The following AGBL4 variants were observed in gnomAD, a reference collection of about 807,000 sequenced individuals.
AGBL4 encodes cytosolic carboxypeptidase 6.
Under a neutral mutation model 66.4 loss-of-function variants are expected in AGBL4, and 58 were observed. The ratio of observed to expected loss-of-function variants is 0.87; its 90% CI spans 0.71 to 1.09. The LOEUF is 1.09. Ranked by LOEUF, AGBL4 falls within the 50% of genes least tolerant of loss-of-function variation. The pLI is 0.00. For synonymous variants in AGBL4, 234 were observed against 222.9 expected (o/e 1.05, Z -0.44); for missense variants, 579 against 631.0 (o/e 0.92, Z 0.88).
At chr1:49,621,310 C>T (rs545895617) in intron 3 of AGBL4, among the ~76,000 whole-genome samples, 10 of 152,260 alleles carry the variant, frequency 6.6e-5, no homozygotes, top group Admixed American at 2.6e-4. Flanking sequence ...CTGCTGTGTC[C>T]GGTTTCCATT....
intron 6 of AGBL4, among the ~76,000 whole-genome samples, chr1:48,740,847 G>A (rs530297501): frequency 6.6e-6 from 1 of 152,296 alleles, no homozygotes; most frequent in South Asian, 2.1e-4. Flanking sequence ...ATCATTTCCA[G>A]TGCGTCCACT....
intron 4 of AGBL4, among the ~76,000 whole-genome samples, chr1:49,118,863 C>T (rs549962704): frequency 1.3e-5 from 2 of 152,194 alleles, no homozygotes; most frequent in South Asian, 4.1e-4. Context: ...TAATTATTGC[C>T]TCGATTACAG....
chr1:50,007,005 T>C lies in AGBL4; in HGVS notation c.34+16758A>G, dbSNP rs183110635. On this transcript the variant is annotated intron_variant, in intron 1 of 13. Coordinates refer to ENST00000371839, the MANE Select transcript of AGBL4 (RefSeq NM_032785.4). ...TAAATGATGAAGCAATCAGAAATAA[T>C]AACCACAACAACTTTTCAAGACAAA... is the stretch of plus-strand genomic sequence containing the variant. Among the ~76,000 whole-genome samples, 680 of 152,146 alleles carry C rather than the reference T, an allele frequency of 4.5e-3. 7 individuals are homozygous for C. The highest frequency in any genetic ancestry group is 8.3e-3 in the Non-Finnish European group (567 of 67,970).
chr1:48,765,687 T>C (rs1380095858), intron 6 of AGBL4, among the ~76,000 whole-genome samples: 2 of 152,328 alleles, frequency 1.3e-5, no homozygotes, highest in Non-Finnish European at 2.9e-5. Context: ...AACTTATGAA[T>C]GGATAACAAA....
chr1:49,182,022 A>G (rs1286987349), intron 4 of AGBL4, among the ~76,000 whole-genome samples: 13 of 152,198 alleles, frequency 8.5e-5, no homozygotes, highest in Admixed American at 8.5e-4. Flanking sequence ...TTAGCCGCTG[A>G]GGCATACGAC....
At chr1:49,123,894 T>A (rs1645712946) in intron 4 of AGBL4, among the ~76,000 whole-genome samples, 1 of 152,230 alleles carries the variant, frequency 6.6e-6, no homozygotes, top group Non-Finnish European at 1.5e-5. Context: ...CCTGGCTTCT[T>A]CTTTTTCCTA....
chr1:49,627,493 C>G (rs1369784341), intron 3 of AGBL4, among the ~76,000 whole-genome samples: 2 of 152,084 alleles, frequency 1.3e-5, no homozygotes, highest in Non-Finnish European at 2.9e-5. Context: ...CTTTCAGGCT[C>G]CTGATGAATT....
At chr1:48,639,193 G>C (rs1645716333) in intron 8 of AGBL4, among the ~76,000 whole-genome samples, 1 of 152,226 alleles carries the variant, frequency 6.6e-6, no homozygotes, top group South Asian at 2.1e-4. Context: ...AGAGAGTCTA[G>C]AGCTTTTTAG....
intron 1 of AGBL4, among the ~76,000 whole-genome samples, chr1:49,897,108 T>C (rs1037198293): frequency 5.3e-5 from 8 of 151,958 alleles, no homozygotes; most frequent in African/African-American, 1.9e-4. Flanking sequence ...AAGTCCTAAC[T>C]AGAGAAATCA....
At chr1:49,516,584 G>A (rs79991991) in intron 3 of AGBL4, among the ~76,000 whole-genome samples, 1,871 of 152,148 alleles carry the variant, frequency 0.012, 35 homozygotes, top group Non-Finnish European at 0.016. Flanking sequence ...TGAAGGCTTT[G>A]CCAAACTAAG....
intron 1 of AGBL4, among the ~76,000 whole-genome samples, chr1:49,932,568 C>T (rs1369526793): frequency 6.6e-6 from 1 of 152,046 alleles, no homozygotes. Flanking sequence ...AGTCAAGACA[C>T]TAACCGGATG....
At chr1:49,837,644 G>T (rs1198405711) in intron 2 of AGBL4, among the ~76,000 whole-genome samples, 1 of 152,010 alleles carries the variant, frequency 6.6e-6, no homozygotes, top group Non-Finnish European at 1.5e-5. Context: ...CAGGAGATCG[G>T]ACCATCCTGG....
chr1:49,010,225 T>C (rs942704507), intron 5 of AGBL4, among the ~76,000 whole-genome samples: 4 of 147,752 alleles, frequency 2.7e-5, no homozygotes, highest in African/African-American at 5.0e-5. Flanking sequence ...AGCATTCTTA[T>C]ACACCAACAA....
At chr1:49,759,763 C>T (rs749635436) in intron 2 of AGBL4, among the ~76,000 whole-genome samples, 4 of 152,034 alleles carry the variant, frequency 2.6e-5, no homozygotes, top group Admixed American at 6.6e-5. Context: ...AAACAATGGA[C>T]GATGATTCAG....
intron 3 of AGBL4, among the ~76,000 whole-genome samples, chr1:49,393,459 G>A (rs1414105681): frequency 1.3e-5 from 2 of 152,094 alleles, no homozygotes; most frequent in Non-Finnish European, 2.9e-5. Flanking sequence ...TTTTGATTTT[G>A]TTCAGTTGAT....
chr1:49,509,416 A>G (rs1364404901), intron 3 of AGBL4, among the ~76,000 whole-genome samples: 1 of 151,868 alleles, frequency 6.6e-6, no homozygotes, highest in Non-Finnish European at 1.5e-5. Context: ...AGATACTTGG[A>G]AAGGTAAATA....
intron 6 of AGBL4, among the ~76,000 whole-genome samples, chr1:48,675,169 G>A (rs886453227): frequency 1.3e-5 from 2 of 152,126 alleles, no homozygotes; most frequent in Non-Finnish European, 2.9e-5. Context: ...CCCATCGCAT[G>A]TTGGATCTTC....
intron 6 of AGBL4, among the ~76,000 whole-genome samples, chr1:48,744,799 A>G (rs1426516826): frequency 6.6e-6 from 1 of 151,956 alleles, no homozygotes; most frequent in East Asian, 1.9e-4. Context: ...CCTCCTCTCT[A>G]CCGCTAGGGT....
intron 5 of AGBL4, among the ~76,000 whole-genome samples, chr1:48,983,745 G>T (rs1659955345): frequency 6.6e-6 from 1 of 152,086 alleles, no homozygotes. Context: ...TAATCTCTGT[G>T]CCCCAGTTTT....
Sources: gnomAD v4.1 joint callset for allele counts (sites outside exome capture counted in the v4.1 genomes callset) on GRCh38, gnomAD v4.1.1 for gene constraint, MANE v1.5 for transcripts, NCBI Gene and HGNC (gene_info 2026-07-23, HGNC 2026-07-21) for gene names.